Variants in GLMN observed in about 807,000 individuals in gnomAD.
GLMN encodes the protein glomulin, FKBP associated protein.
In GLMN, 75 loss-of-function variants were observed where a neutral mutation model predicts 87.8. The observed-to-expected ratio is 0.85, with a 90% CI of 0.71 to 1.04. The LOEUF (loss-of-function observed/expected upper bound fraction) is 1.04, where lower values mean the gene tolerates loss of function less well. Ranked by LOEUF, GLMN falls within the 50% of genes least tolerant of loss-of-function variation. The pLI, the probability that GLMN is intolerant of heterozygous loss-of-function variation, is 0.00. For synonymous variants in GLMN, 206 were observed against 221.6 expected (o/e 0.93, Z 0.63); for missense variants, 588 against 658.8 (o/e 0.89, Z 1.18).
the GLMN span, among the ~76,000 whole-genome samples, chr1:92,364,693 CAGTT>C: frequency 6.6e-6 from 1 of 152,090 alleles, no homozygotes; most frequent in Non-Finnish European, 1.5e-5. Flanking sequence ...GTTCTGTATA[CAGTT>C]AGCTTTCTCC....
At chr1:92,296,378 G>A (rs1483220384) in intron 3 of GLMN, among the ~76,000 whole-genome samples, 7 of 152,186 alleles carry the variant, frequency 4.6e-5, no homozygotes, top group Non-Finnish European at 1.5e-5. Flanking sequence ...GGAGGCCTCA[G>A]GAAACTTAAC....
chr1:92,305,829 G>A, the GLMN span, among the ~76,000 whole-genome samples: 1 of 152,136 alleles, frequency 6.6e-6, no homozygotes, highest in Non-Finnish European at 1.5e-5. Context: ...AAATCTTTTT[G>A]CAACTAGTGG....
the GLMN span, among the ~76,000 whole-genome samples, chr1:92,365,441 G>A: frequency 6.6e-6 from 1 of 152,122 alleles, no homozygotes; most frequent in Non-Finnish European, 1.5e-5. Context: ...CATTGGTCTT[G>A]GGTGGGGCAT....
intron 7 of GLMN, among the ~76,000 whole-genome samples, chr1:92,274,518 T>G (rs548574718): frequency 6.6e-6 from 1 of 152,312 alleles, no homozygotes; most frequent in African/African-American, 2.4e-5. Context: ...CATAATCTTT[T>G]TCTCTACCCA....
At chr1:92,328,211 G>C in the GLMN span, among the ~76,000 whole-genome samples, 1 of 152,084 alleles carries the variant, frequency 6.6e-6, no homozygotes, top group Non-Finnish European at 1.5e-5. Context: ...CTCTAGCAAG[G>C]CTGGAGAAGT....
In GLMN at chr1:92,281,154, G is replaced by C. The variant is rs185195102; in HGVS notation, c.735+5336C>G. Among the ~76,000 whole-genome samples, 252 of 152,236 alleles carry C rather than the reference G, an allele frequency of 1.7e-3. 1 individual carries two copies. The highest frequency in any genetic ancestry group is 5.4e-3 in the African/African-American group (224 of 41,544). On this transcript the variant is annotated intron_variant, in intron 7 of 18. Coordinates refer to ENST00000370360, the MANE Select transcript of GLMN (RefSeq NM_053274.3). Reference sequence around the variant, plus strand: ...TACTCCTTGAGAAGAGCAACCCCAAGACACATAATTGTCAGATTCACCAAG... The same window carrying C: ...TACTCCTTGAGAAGAGCAACCCCAACACACATAATTGTCAGATTCACCAAG...
intron 7 of GLMN, among the ~76,000 whole-genome samples, chr1:92,280,245 T>C (rs990149826): frequency 6.6e-6 from 1 of 152,160 alleles, no homozygotes; most frequent in Non-Finnish European, 1.5e-5. Context: ...CGGGTGCCCC[T>C]CTGGGACAAA....
the GLMN span, among the ~76,000 whole-genome samples, chr1:92,365,629 TC>T: frequency 6.6e-6 from 1 of 152,228 alleles, no homozygotes; most frequent in Non-Finnish European, 1.5e-5. Flanking sequence ...TTTTCTAAAA[TC>T]GTTAATAGTT....
At chr1:92,261,834 C>CAGAGGGTGGAGTGAT (rs144524787) in intron 16 of GLMN, among the ~76,000 whole-genome samples, 211 of 151,976 alleles carry the variant, frequency 1.4e-3, no homozygotes, top group Non-Finnish European at 2.3e-3. Flanking sequence ...GAGTGATAGA[C>CAGAGGGTGGAGTGAT]AGAGGGTGGA....
intron 16 of GLMN, among the ~76,000 whole-genome samples, chr1:92,258,568 C>T (rs1182179887): frequency 6.6e-6 from 1 of 152,162 alleles, no homozygotes; most frequent in Non-Finnish European, 1.5e-5. Context: ...GAATACTGTG[C>T]AGCCATAAAA....
At chr1:92,285,680 C>G (rs528041685) in intron 7 of GLMN, among the ~76,000 whole-genome samples, 5 of 152,138 alleles carry the variant, frequency 3.3e-5, no homozygotes, top group African/African-American at 4.8e-5. Flanking sequence ...ACAACTTACC[C>G]TGTTCTTAAA....
the GLMN span, chr1:92,324,437 A>G: frequency 2.2e-5 from 27 of 1,214,634 alleles, no homozygotes; most frequent in African/African-American, 3.8e-4. Context: ...CACCACAGCA[A>G]ATCTTGGAGC....
At chr1:92,277,671 G>T (rs1647446389) in intron 7 of GLMN, among the ~76,000 whole-genome samples, 2 of 152,138 alleles carry the variant, frequency 1.3e-5, no homozygotes, top group Admixed American at 1.3e-4. Flanking sequence ...CAAAATGATT[G>T]GATTCAGAAA....
At chr1:92,293,855 C>A (rs1375419453) in intron 3 of GLMN, among the ~76,000 whole-genome samples, 2 of 152,034 alleles carry the variant, frequency 1.3e-5, no homozygotes, top group African/African-American at 2.4e-5. Flanking sequence ...AGAAGTCAGG[C>A]ACAGAAAAAC....
chr1:92,267,083 A>G (rs1056626188), intron 11 of GLMN, among the ~76,000 whole-genome samples: 3 of 152,220 alleles, frequency 2.0e-5, no homozygotes, highest in African/African-American at 7.2e-5. Flanking sequence ...ATGTTTTTCT[A>G]TTTAAATATT....
intron 8 of GLMN, among the ~76,000 whole-genome samples, chr1:92,270,187 G>A (rs1318280222): frequency 6.6e-6 from 1 of 152,210 alleles, no homozygotes; most frequent in Non-Finnish European, 1.5e-5. Context: ...GGAGCATCCA[G>A]AACTATGAGA....
the GLMN span, among the ~76,000 whole-genome samples, chr1:92,345,644 A>C: frequency 6.6e-6 from 1 of 152,154 alleles, no homozygotes; most frequent in South Asian, 2.1e-4. Flanking sequence ...GGGCTGGAAC[A>C]CTTCCTTTTG....
chr1:92,271,681 A>G (rs749202736), intron 7 of GLMN, 29 bp from the exon 8 acceptor site: 4 of 1,501,032 alleles, frequency 2.7e-6, no homozygotes, highest in Non-Finnish European at 3.7e-6. Context: ...AGGAAACCAT[A>G]GCACACAGAC....
intron 15 of GLMN, among the ~76,000 whole-genome samples, chr1:92,263,160 G>A (rs1197894971): frequency 1.3e-5 from 2 of 151,960 alleles, no homozygotes; most frequent in Non-Finnish European, 2.9e-5. Context: ...TAATATTTGA[G>A]AGCATCATCT....
Sources: allele counts gnomAD v4.1 joint callset (sites outside exome capture counted in the v4.1 genomes callset), GRCh38; gene constraint gnomAD v4.1.1; transcripts MANE v1.5; gene names NCBI Gene and HGNC (gene_info 2026-07-23, HGNC 2026-07-21).